BRME1: variants seen among roughly 807,000 people sequenced by gnomAD.
BRME1 encodes BRCA2 and MEILB2-associating protein 1.
In BRME1, 31 loss-of-function variants were observed where a neutral mutation model predicts 52.6. That is an observed-to-expected ratio of 0.59 (90% CI 0.44 to 0.80). The LOEUF is 0.80. Ranked by LOEUF, BRME1 falls within the 30% of genes least tolerant of loss-of-function variation. The pLI is 0.00. For missense variants in BRME1, 804 were observed against 860.3 expected, an observed-to-expected ratio of 0.93 and a Z score of 0.82; for synonymous variants, 359 against 353.6, an observed-to-expected ratio of 1.02 and a Z score of -0.17.
chr19:13,897,790 G>A (rs1407763405), intron 2 of BRME1, among the ~76,000 whole-genome samples: 3 of 152,112 alleles, frequency 2.0e-5, no homozygotes, highest in African/African-American at 7.2e-5. Context: ...TGAGCCCAGA[G>A]GAAGAGATTG....
rs187819957 is a variant in BRME1 at position 13,895,641 on chromosome 19, G to A, written c.32-95C>T. ...CTCCCCCACTACAACCAGGCTGCAC[G>A]CGAGAAGGGGCCGAATCCATTTCAC... On this transcript the variant is annotated intron_variant, in intron 2 of 8. Coordinates refer to ENST00000586783, the MANE Select transcript of BRME1 (RefSeq NM_001345843.2). 2.5e-5 allele frequency: 27 copies of A among 1,079,608 alleles called. 1 individual carries two copies. Among genetic ancestry groups the A allele is most frequent in the African/African-American group, 1.3e-4 (8 of 62,978 alleles). The allele number at this position is 1,079,608 out of a possible 1,614,324, so 66.9% of individuals were successfully genotyped here.
intron 7 of BRME1, among the ~76,000 whole-genome samples, chr19:13,885,625 C>T (rs1442963932): frequency 1.3e-5 from 2 of 152,174 alleles, no homozygotes; most frequent in Non-Finnish European, 2.9e-5. Flanking sequence ...CTGTCTGGGT[C>T]CCCTCCCCTT....
intron 1 of BRME1, among the ~76,000 whole-genome samples, chr19:13,905,172 G>C (rs1280867673): frequency 1.3e-5 from 2 of 151,994 alleles, no homozygotes; most frequent in Non-Finnish European, 2.9e-5. Flanking sequence ...GGCCCTGGGG[G>C]GTCCTTATAG....
rs193130697 is a variant in BRME1, at chr19:13,883,553, A to G, written c.1764-153T>C. Reference sequence around the variant, plus strand: ...ACGACAGAACCCTGATGGCCAACCCAGCTGGCTCCACTGCCCAGCAGGCCC... The same window carrying G: ...ACGACAGAACCCTGATGGCCAACCCGGCTGGCTCCACTGCCCAGCAGGCCC... On this transcript the variant is annotated intron_variant, in intron 7 of 8. Transcript: ENST00000586783. This position sits in a 1 kb window ranked among gnomAD's most constrained non-coding sequence, Gnocchi z 4.2. 8.2e-6 allele frequency: 5 copies of G among 610,004 alleles called. No individual in the cohort carries two copies. Among genetic ancestry groups the G allele is most frequent in the Non-Finnish European group, 1.4e-5 (5 of 344,972 alleles). The allele number at this position is 610,004 out of a possible 1,614,324, so 37.8% of individuals were successfully genotyped here.
chr19:13,883,443 G>T lies in BRME1; in HGVS notation c.1764-43C>A. 7.0e-7 allele frequency: 1 copy of T among 1,427,042 alleles called. No individual in the cohort carries two copies. The highest frequency in any genetic ancestry group is 9.5e-7 in the Non-Finnish European group (1 of 1,049,042). 88.4% of individuals were successfully genotyped at this position (1,427,042 alleles called of 1,614,324 possible). On this transcript the variant is annotated intron_variant, in intron 7 of 8. Transcript: ENST00000586783. The surrounding 1 kb of genome is among the most constrained non-coding windows in gnomAD (Gnocchi z 4.2). ...AAATTGAGAGTGGCCCGACCTCACT[G>T]GACTACCAGAGCTCTCCAGTGGGAG...
At chr19:13,898,718 G>C (rs1024682314) in intron 2 of BRME1, among the ~76,000 whole-genome samples, 1 of 151,876 alleles carries the variant, frequency 6.6e-6, no homozygotes, top group Non-Finnish European at 1.5e-5. Context: ...GAGGTCGGGA[G>C]TTTAAGACCA....
intron 2 of BRME1, among the ~76,000 whole-genome samples, chr19:13,901,999 C>A (rs891735806): frequency 6.6e-6 from 1 of 151,802 alleles, no homozygotes; most frequent in East Asian, 1.9e-4. Flanking sequence ...TATGATTGTG[C>A]CACTGCTCTC....
rs369871268 is a variant in BRME1 at position 13,890,003 on chromosome 19, T to G, written c.853A>C (p.Thr285Pro). ...GVPCTPASAP[T>P]SGPAPGLGPA... ...CCCAGTCCTGGAGCAGGGCCTGAGG[T>G]AGGAGCTGATGCTGGGGTACAGGGG... The change falls in exon 6 of 9, where the codon ACC becomes CCC. Residue 285 changes from threonine (T) to proline (P), a missense_variant. Physicochemically the swap from Thr to Pro is conservative, Grantham distance 38. Around this residue, in one of 3 missense-constraint regions of BRME1, gnomAD observed 552 missense variants for 561.1 expected, o/e 0.98. Transcript: ENST00000586783. The G allele has an allele frequency of 5.6e-6, 9 of 1,612,870 alleles. No individual in the cohort carries two copies. In the African/African-American group the frequency reaches 1.2e-4, roughly 22 times the overall value.
In BRME1 at chr19:13,890,205, G is replaced by A. The variant is rs200089068; in HGVS notation, c.651C>T (p.Ala217=). 6.8e-6 allele frequency: 11 copies of A among 1,614,034 alleles called. No individual in the cohort carries two copies. Among genetic ancestry groups the A allele is most frequent in the African/African-American group, 1.3e-5 (1 of 74,916 alleles). ...TGTCTGTCTCAGGCTTGCTGTCATC[G>A]GCCCCTTGTTCTGACAGGTGGTCTT... ...ASQDHLSEQG[A]DDSKPETDRV... The change falls in exon 6 of 9, where the codon GCC becomes GCT. Residue 217 remains alanine (A), a synonymous_variant. Coordinates refer to ENST00000586783, the MANE Select transcript of BRME1 (RefSeq NM_001345843.2).
At position 13,882,872 on chromosome 19, in the gene BRME1, G is replaced by A. The variant is rs766819987; in HGVS notation, c.1937C>T (p.Ala646Val). The change falls in exon 9 of 9, where the codon GCC becomes GTC. Residue 646 changes from alanine to valine, a missense_variant. By Grantham distance (64) the Ala-to-Val change is moderately conservative (BLOSUM62 0). Coordinates refer to ENST00000586783, the MANE Select transcript of BRME1 (RefSeq NM_001345843.2). ...CCCCTTGGAAGGGTAAGGCAGGGGG[G>A]CTTTGCCTCCCAGCTTTGTCTTCCG... ...NYRKTKLGGKAPLPYPSKGPG... is the reference protein window; with the variant it reads ...NYRKTKLGGKVPLPYPSKGPG... 1 of 1,614,036 alleles carries A rather than the reference G, an allele frequency of 6.2e-7. No individual in the cohort carries two copies. The highest frequency in any genetic ancestry group is 1.3e-5 in the African/African-American group (1 of 75,026).
Position 13,890,068 on chromosome 19 carries a change from GC to G in BRME1, c.787del (p.Ala263LeufsTer80). The G allele has an allele frequency of 6.2e-7, 1 of 1,613,698 alleles. No individual in the cohort carries two copies. The highest frequency in any genetic ancestry group is 8.5e-7 in the Non-Finnish European group (1 of 1,179,866). ...QEGGAQRTAG[A>X]GLPGGPQEEG... ...CTCCTGGGGCCCTCCAGGCAGGCCA[GC>G]CCCTGCTGTCCTTTGGGCCCCTCCC... On this transcript the variant is annotated frameshift_variant, in exon 6 of 9. Transcript: ENST00000586783. LOFTEE classifies it high-confidence loss of function.
chr19:13,899,746 A>G (rs563557072), intron 2 of BRME1, among the ~76,000 whole-genome samples: 2 of 152,254 alleles, frequency 1.3e-5, no homozygotes, highest in Admixed American at 6.5e-5. Context: ...CATGCCTGTA[A>G]TCTCACCACG....
intron 6 of BRME1, 102 bp downstream of exon 6, chr19:13,889,086 G>T: frequency 8.9e-7 from 1 of 1,127,956 alleles, no homozygotes; most frequent in Non-Finnish European, 1.2e-6. Flanking sequence ...TAAGCCCTGA[G>T]CCCCAGCTCC....
At chr19:13,885,884 T>A in intron 7 of BRME1, 77 bp downstream of exon 7, 1 of 1,289,722 alleles carries the variant, frequency 7.8e-7, no homozygotes, top group Non-Finnish European at 1.1e-6. Context: ...AACTGGGGTC[T>A]GTCTCCTCCA....
In BRME1 at chr19:13,889,929, AG is replaced by A. The variant is rs768983179; in HGVS notation, c.926del (p.Pro309LeufsTer34). On this transcript the variant is annotated frameshift_variant, in exon 6 of 9. Coordinates refer to ENST00000586783, the MANE Select transcript of BRME1 (RefSeq NM_001345843.2). LOFTEE classifies it high-confidence loss of function. Reference sequence around the variant, plus strand: ...TCCTGCTGGGGGTCTGCTGGGGGTCAGGGGAGCCCTGGGCCACAGACCCGGG... The same window carrying A: ...TCCTGCTGGGGGTCTGCTGGGGGTCAGGGAGCCCTGGGCCACAGACCCGGG... ...LEPGSVAQGS[P>X]DPQQTPSRMG... The A allele has an allele frequency of 6.2e-7, 1 of 1,612,638 alleles. No homozygotes were observed. The highest frequency in any genetic ancestry group is 8.5e-7 in the Non-Finnish European group (1 of 1,179,930).
At chr19:13,903,989 T>G (rs1165363407) in intron 2 of BRME1, among the ~76,000 whole-genome samples, 1 of 152,198 alleles carries the variant, frequency 6.6e-6, no homozygotes, top group Non-Finnish European at 1.5e-5. Context: ...CCCGCTGCCC[T>G]GAAGCCCGGG....
At chr19:13,887,774 T>TC (rs1969146078) in intron 6 of BRME1, among the ~76,000 whole-genome samples, 1 of 151,706 alleles carries the variant, frequency 6.6e-6, no homozygotes, top group African/African-American at 2.4e-5. Flanking sequence ...GACTCACTTT[T>TC]TTTTTTTTTT....
Position 13,889,842 on chromosome 19 carries a change from G to A in BRME1, c.1014C>T (p.Val338=). 6.2e-7 allele frequency: 1 copy of A among 1,613,260 alleles called. No individual in the cohort carries two copies. Among genetic ancestry groups the A allele is most frequent in the Non-Finnish European group, 8.5e-7 (1 of 1,179,980 alleles). ...TGGGGTCTGTGCTCAGGTCTGCGAT[G>A]ACAACCATCCCGAGGGAGGAGCATC... The part of the protein sequence containing the change: ...SLGCSSLGMV[V]IADLSTDPTE... Residue 338 remains valine (V), a synonymous_variant, in exon 6 of 9, where the codon GTC becomes GTT. Coordinates refer to ENST00000586783, the MANE Select transcript of BRME1 (RefSeq NM_001345843.2).
chr19:13,900,817 A>G (rs1224217667), intron 2 of BRME1, among the ~76,000 whole-genome samples: 1 of 151,704 alleles, frequency 6.6e-6, no homozygotes, highest in East Asian at 1.9e-4. Flanking sequence ...GATTACAGAC[A>G]CATGCCACCA....
Sources: allele counts gnomAD v4.1 joint callset (sites outside exome capture counted in the v4.1 genomes callset), GRCh38; gene constraint gnomAD v4.1.1; regional missense constraint gnomAD v4.1.1; non-coding constraint Gnocchi (gnomAD v3.1); transcripts MANE v1.5; gene names NCBI Gene and HGNC (gene_info 2026-07-23, HGNC 2026-07-21).